KCNK13: variants seen among roughly 807,000 people sequenced by gnomAD.
The protein encoded by KCNK13 is potassium channel subfamily K member 13.
KCNK13 carries 12 observed loss-of-function variants against 23.4 expected under a neutral mutation model. The ratio of observed to expected loss-of-function variants is 0.51; its 90% CI spans 0.33 to 0.83. KCNK13 has a LOEUF of 0.83. Ranked by LOEUF, KCNK13 falls within the 40% of genes least tolerant of loss-of-function variation. The pLI is 0.02. For synonymous variants in KCNK13, 231 were observed against 229.5 expected (o/e 1.01, Z -0.06); for missense variants, 463 against 556.3 (o/e 0.83, Z 1.69).
intron 1 of KCNK13, among the ~76,000 whole-genome samples, chr14:90,093,911 C>CTGAT (rs1291351135): frequency 1.3e-5 from 2 of 152,176 alleles, no homozygotes; most frequent in African/African-American, 4.8e-5. Flanking sequence ...TTTGGTAATA[C>CTGAT]TGATTTATTA....
At chr14:90,093,098 T>C (rs2140402162) in intron 1 of KCNK13, among the ~76,000 whole-genome samples, 1 of 152,080 alleles carries the variant, frequency 6.6e-6, no homozygotes. Flanking sequence ...CTGCACTAAG[T>C]GCTAGTGTAA....
intron 1 of KCNK13, among the ~76,000 whole-genome samples, chr14:90,094,471 T>C (rs1397641045): frequency 6.6e-6 from 1 of 152,130 alleles, no homozygotes; most frequent in Non-Finnish European, 1.5e-5. Context: ...ACTTGTTTCC[T>C]CTTCCTGTGG....
intron 1 of KCNK13, among the ~76,000 whole-genome samples, chr14:90,175,683 G>T (rs1006980705): frequency 6.6e-6 from 1 of 152,226 alleles, no homozygotes; most frequent in African/African-American, 2.4e-5. Context: ...ATCCATCGCT[G>T]TGTGGCAAAC....
intron 1 of KCNK13, among the ~76,000 whole-genome samples, chr14:90,093,036 A>G (rs569123371): frequency 6.6e-6 from 1 of 152,044 alleles, no homozygotes; most frequent in South Asian, 2.1e-4. Context: ...TATGGGGTGG[A>G]CACTCCAAAT....
At position 90,087,154 on chromosome 14, in the gene KCNK13, AT is replaced by A. The variant is rs1555401789; in HGVS notation, c.334+24627del. ...CATATATATATATATATATATATAT[AT>A]TTTTTTTTTTTATTGAGATGGGGCC... On this transcript the variant is annotated intron_variant, in intron 1 of 1. Transcript: ENST00000282146. 4.4e-3 allele frequency among the ~76,000 whole-genome samples: 478 copies of A among 107,594 alleles called. 4 individuals are homozygous for A. Among genetic ancestry groups the A allele is most frequent in the African/African-American group, 0.015 (399 of 26,214 alleles). The allele number at this position is 107,594 out of a possible 152,430, so 70.6% of individuals were successfully genotyped here.
chr14:90,125,758 C>A (rs1203803343), intron 1 of KCNK13, among the ~76,000 whole-genome samples: 2 of 152,062 alleles, frequency 1.3e-5, no homozygotes, highest in Non-Finnish European at 2.9e-5. Context: ...CACAGGAGTT[C>A]ACACCTGTAA....
chr14:90,168,237 G>A (rs9323848), intron 1 of KCNK13, among the ~76,000 whole-genome samples: 2,578 of 152,152 alleles, frequency 0.017, 73 homozygotes, highest in African/African-American at 0.059. Context: ...AGTCAGGCAT[G>A]GTGGTGTGTG....
chr14:90,073,326 T>C (rs923545555), intron 1 of KCNK13, among the ~76,000 whole-genome samples: 2 of 152,108 alleles, frequency 1.3e-5, no homozygotes, highest in Admixed American at 1.3e-4. Context: ...AAACAGAGAC[T>C]TCTGCCTCCC....
chr14:90,076,289 G>A (rs1231018286), intron 1 of KCNK13, among the ~76,000 whole-genome samples: 2 of 152,296 alleles, frequency 1.3e-5, no homozygotes, highest in East Asian at 3.9e-4. Context: ...GTGGTCCAGG[G>A]CTGATATAAT....
intron 1 of KCNK13, among the ~76,000 whole-genome samples, chr14:90,087,145 TATATATATA>T (rs1889288687): frequency 2.6e-5 from 3 of 115,994 alleles, no homozygotes; most frequent in African/African-American, 1.1e-4. Context: ...TATATATATA[TATATATATA>T]TTTTTTTTTT....
intron 1 of KCNK13, among the ~76,000 whole-genome samples, chr14:90,125,656 CA>C (rs1889791042): frequency 6.6e-6 from 1 of 151,534 alleles, no homozygotes; most frequent in Non-Finnish European, 1.5e-5. Flanking sequence ...TGGAGTATGT[CA>C]AAGAGACACA....
chr14:90,165,734 AT>A (rs1414598031), intron 1 of KCNK13, among the ~76,000 whole-genome samples: 1 of 152,180 alleles, frequency 6.6e-6, no homozygotes, highest in Non-Finnish European at 1.5e-5. Context: ...AGTAAATCAC[AT>A]TGTTTTTCAC....
At position 90,087,160 on chromosome 14, in the gene KCNK13, T is replaced by A. The variant is rs1289941259; in HGVS notation, c.334+24621T>A. On this transcript the variant is annotated intron_variant, in intron 1 of 1. Transcript: ENST00000282146. ...TATATATATATATATATATATTTTT[T>A]TTTTTTATTGAGATGGGGCCTCACT... is the stretch of plus-strand genomic sequence containing the variant. Among the ~76,000 whole-genome samples, 105 of 141,298 alleles carry A rather than the reference T, an allele frequency of 7.4e-4. No individual in the cohort carries two copies. The East Asian group carries it at 0.014, about 19-fold the overall frequency. The allele number at this position is 141,298 out of a possible 152,430, so 92.7% of individuals were successfully genotyped here.
chr14:90,099,157 A>G (rs1889446430), intron 1 of KCNK13, among the ~76,000 whole-genome samples: 1 of 152,168 alleles, frequency 6.6e-6, no homozygotes, highest in Non-Finnish European at 1.5e-5. Context: ...CTTCCCAAAC[A>G]CTGTGTGTAT....
chr14:90,138,547 A>T (rs78843336), intron 1 of KCNK13, among the ~76,000 whole-genome samples: 1 of 152,248 alleles, frequency 6.6e-6, no homozygotes. Context: ...TTTGGCTTTC[A>T]TATCAGCATT....
chr14:90,099,480 C>T (rs1048063471), intron 1 of KCNK13, among the ~76,000 whole-genome samples: 1 of 152,088 alleles, frequency 6.6e-6, no homozygotes, highest in South Asian at 2.1e-4. Context: ...ATAGAATGCT[C>T]ATGGATTTGG....
chr14:90,088,478 C>T (rs1889307158), intron 1 of KCNK13, among the ~76,000 whole-genome samples: 1 of 152,200 alleles, frequency 6.6e-6, no homozygotes, highest in African/African-American at 2.4e-5. Flanking sequence ...GCACAGTCAG[C>T]TCTCAGGCGC....
intron 1 of KCNK13, among the ~76,000 whole-genome samples, chr14:90,149,665 C>T (rs80067913): frequency 0.01 from 1,535 of 152,220 alleles, 20 homozygotes; most frequent in African/African-American, 0.035. Flanking sequence ...ACAGCCAAAC[C>T]GTTTGCCTGT....
intron 1 of KCNK13, among the ~76,000 whole-genome samples, chr14:90,101,219 TACTC>T (rs1889472780): frequency 6.6e-6 from 1 of 152,150 alleles, no homozygotes; most frequent in South Asian, 2.1e-4. Context: ...GAGCACAAAA[TACTC>T]ACTGTTGCCC....
Sources: gnomAD v4.1 joint callset for allele counts (sites outside exome capture counted in the v4.1 genomes callset) on GRCh38, gnomAD v4.1.1 for gene constraint, MANE v1.5 for transcripts, NCBI Gene and HGNC (gene_info 2026-07-23, HGNC 2026-07-21) for gene names.